The following M1AP variants were observed in gnomAD, a reference collection of about 807,000 sequenced individuals.
M1AP encodes the protein meiosis 1 associated protein, also known as meiosis 1 arrest protein.
In M1AP, 39 loss-of-function variants were observed where a neutral mutation model predicts 51.2. The observed-to-expected ratio is 0.76, with a 90% confidence interval of 0.59 to 1.00. The LOEUF (loss-of-function observed/expected upper bound fraction) is 1.00, where lower values mean the gene tolerates loss of function less well. Among genes scored for constraint, M1AP ranks in the 50% least tolerant of loss-of-function variants. The pLI is 0.00. For missense variants in M1AP, 545 were observed against 641.2 expected (o/e 0.85, Z 1.62); for synonymous variants, 251 against 249.2 (o/e 1.01, Z -0.07).
Position 74,558,840 on chromosome 2 carries a change from G to A in M1AP, c.1469C>T (p.Thr490Ile). The change falls in exon 11 of 11, where the codon ACT becomes ATT. Residue 490 changes from threonine to isoleucine, a missense_variant. Thr to Ile is a moderately conservative substitution (Grantham distance 89, BLOSUM62 -1). Transcript: ENST00000421985. ...GQLQTNRARATVAPLPMTPVP... is the reference protein window; with the variant it reads ...GQLQTNRARAIVAPLPMTPVP... Reference sequence around the variant, plus strand: ...AGGAGTCATAGGCAGGGGGGCCACAGTAGCTCGAGCTCGGTTGGTCTGCAA... The same window carrying A: ...AGGAGTCATAGGCAGGGGGGCCACAATAGCTCGAGCTCGGTTGGTCTGCAA... 1.2e-6 allele frequency: 2 copies of A among 1,603,252 alleles called. No individual in the cohort carries two copies. The highest frequency in any genetic ancestry group is 1.7e-6 in the Non-Finnish European group (2 of 1,175,796).
At chr2:74,647,946 T>TC in intron 1 of M1AP, 1 of 889,088 alleles carries the variant, frequency 1.1e-6, no homozygotes, top group Non-Finnish European at 1.3e-6. Flanking sequence ...CCCTGAAGCC[T>TC]CCGTGGTCCC....
At chr2:74,601,964 T>A (rs1680703230) in intron 4 of M1AP, among the ~76,000 whole-genome samples, 1 of 152,210 alleles carries the variant, frequency 6.6e-6, no homozygotes, top group African/African-American at 2.4e-5. Flanking sequence ...TATAAATGAA[T>A]CTGCAATATC....
intron 4 of M1AP, among the ~76,000 whole-genome samples, chr2:74,605,912 A>AC (rs1680961063): frequency 6.6e-6 from 1 of 152,006 alleles, no homozygotes; most frequent in Admixed American, 6.6e-5. Context: ...AAAAAAAAAA[A>AC]AAAATTGCTA....
At chr2:74,617,154 C>T (rs1242274552) in intron 2 of M1AP, among the ~76,000 whole-genome samples, 3 of 152,194 alleles carry the variant, frequency 2.0e-5, no homozygotes, top group African/African-American at 7.2e-5. Context: ...CATTCTATTA[C>T]ATTTTATATA....
intron 7 of M1AP, among the ~76,000 whole-genome samples, chr2:74,565,168 A>C (rs943355494): frequency 1.4e-4 from 22 of 151,878 alleles, no homozygotes; most frequent in Non-Finnish European, 3.1e-4. Context: ...GGTTGCAGTG[A>C]GCCGAGATCA....
intron 1 of M1AP, 78 bp downstream of exon 1, chr2:74,648,187 C>T (rs1215998931): frequency 1.0e-6 from 1 of 958,730 alleles, no homozygotes; most frequent in Non-Finnish European, 1.2e-6. Flanking sequence ...CGAGCTCGGC[C>T]CACGCCCAGC....
intron 1 of M1AP, 26 bp downstream of exon 1, chr2:74,648,239 C>T (rs962320742): frequency 2.5e-5 from 24 of 976,576 alleles, no homozygotes; most frequent in Middle Eastern, 5.2e-4. Flanking sequence ...GGCTGCCCTC[C>T]CTCCCCGAGG....
intron 3 of M1AP, among the ~76,000 whole-genome samples, chr2:74,608,366 CT>C (rs1452923437): frequency 2.0e-5 from 3 of 152,198 alleles, no homozygotes; most frequent in Admixed American, 6.5e-5. Context: ...GCTTCTTTCA[CT>C]TAGTAATATG....
At chr2:74,605,629 G>A (rs150898230) in intron 4 of M1AP, among the ~76,000 whole-genome samples, 24 of 152,184 alleles carry the variant, frequency 1.6e-4, no homozygotes, top group African/African-American at 5.5e-4. Context: ...TGCTGGGCGC[G>A]GAGGCTCACA....
At chr2:74,619,466 T>C (rs1202129616) in intron 2 of M1AP, 1 of 153,194 alleles carries the variant, frequency 6.5e-6, no homozygotes, top group Non-Finnish European at 1.5e-5. Context: ...CTGCTCTTCA[T>C]GCTCTAAAAG....
Position 74,558,763 on chromosome 2 carries a change from C to T in M1AP, c.1546G>A (p.Ala516Thr), listed in dbSNP as rs1677681634. The change falls in exon 11 of 11, where the codon GCC (alanine) becomes ACC (threonine). Residue 516 changes from alanine to threonine, a missense_variant. By Grantham distance (58) the Ala-to-Thr change is moderately conservative (BLOSUM62 0). Transcript: ENST00000421985. ...MPAASKSSSD[A>T]FFLPSEWEKD... The stretch of plus-strand genomic sequence containing the variant: ...TCCCACTCTGAAGGCAGGAAGAAGG[C>T]ATCTGAGGAAGATTTGCTGGCTGCT... The T allele has an allele frequency of 6.2e-7, 1 of 1,612,502 alleles. No individual in the cohort carries two copies. Among genetic ancestry groups the T allele is most frequent in the Non-Finnish European group, 8.5e-7 (1 of 1,179,444 alleles).
intron 2 of M1AP, among the ~76,000 whole-genome samples, chr2:74,638,526 C>T (rs1017260158): frequency 6.6e-6 from 1 of 152,118 alleles, no homozygotes; most frequent in African/African-American, 2.4e-5. Flanking sequence ...CAACATGTTA[C>T]TTTTGAGACT....
At chr2:74,564,501 A>G (rs890461223) in intron 7 of M1AP, among the ~76,000 whole-genome samples, 2 of 152,238 alleles carry the variant, frequency 1.3e-5, no homozygotes, top group Non-Finnish European at 2.9e-5. Flanking sequence ...AGTCATAATC[A>G]TAATTACAAA....
intron 4 of M1AP, among the ~76,000 whole-genome samples, chr2:74,586,830 G>A (rs973945853): frequency 6.6e-6 from 1 of 151,964 alleles, no homozygotes; most frequent in Admixed American, 6.6e-5. Context: ...GAGAAACCCG[G>A]TCTCCACTAA....
At chr2:74,648,058 C>T (rs915781388) in intron 1 of M1AP, 2 of 985,376 alleles carry the variant, frequency 2.0e-6, no homozygotes, top group African/African-American at 1.7e-5. Context: ...CAGGCCTGGC[C>T]GCCCAGAACA....
chr2:74,575,371 G>C (rs754865653), intron 7 of M1AP, 67 bp downstream of exon 7: 3 of 1,600,872 alleles, frequency 1.9e-6, no homozygotes, highest in Non-Finnish European at 2.6e-6. Context: ...GAGTTAGTTA[G>C]CTGCTTTTCT....
At chr2:74,562,011 A>T in intron 8 of M1AP, 2 of 984,560 alleles carry the variant, frequency 2.0e-6, no homozygotes, top group Non-Finnish European at 2.4e-6. Context: ...CCTCCATTCT[A>T]TTTCACTCCT....
intron 5 of M1AP, among the ~76,000 whole-genome samples, chr2:74,577,545 A>G (rs1315254306): frequency 1.3e-5 from 2 of 152,232 alleles, no homozygotes; most frequent in Non-Finnish European, 2.9e-5. Context: ...TAACTGCAAT[A>G]TGAGGTAAAA....
In M1AP at chr2:74,607,151, G is replaced by C; in HGVS notation, c.499C>G (p.Leu167Val). Residue 167 changes from leucine to valine, a missense_variant, in exon 4 of 11, where the codon CTA (leucine) becomes GTA (valine). Leu to Val is a conservative substitution (Grantham distance 32). Coordinates refer to ENST00000421985, the MANE Select transcript of M1AP (RefSeq NM_001321739.2). ...ACCTGAAACCTCCTGACTCTGGCTA[G>C]GTCTGTATCTTTCAACCCTTCCTCC... ...QLEEGLKDTD[L>V]ARVRRFQVVE... 6.2e-7 allele frequency: 1 copy of C among 1,614,078 alleles called. No homozygotes were observed. Among genetic ancestry groups the C allele is most frequent in the South Asian group, 1.1e-5 (1 of 91,080 alleles).
Sources: gnomAD v4.1 joint callset for allele counts (sites outside exome capture counted in the v4.1 genomes callset) on GRCh38, gnomAD v4.1.1 for gene constraint, MANE v1.5 for transcripts, NCBI Gene and HGNC (gene_info 2026-07-23, HGNC 2026-07-21) for gene names.